Variants in CAST observed in about 807,000 individuals in gnomAD.
The protein encoded by CAST is MIR583 host.
A neutral mutation model predicts 119.6 loss-of-function variants in CAST; 76 were observed. That is an observed-to-expected ratio of 0.64 (90% CI 0.53 to 0.77). The LOEUF (loss-of-function observed/expected upper bound fraction) is 0.77. Ranked by LOEUF, CAST falls within the 30% of genes least tolerant of loss-of-function variation. The pLI is 0.00. For synonymous variants in CAST, 319 were observed against 331.6 expected (o/e 0.96, Z 0.41); for missense variants, 953 against 946.5 (o/e 1.01, Z -0.09).
At chr5:96,332,413 G>T in the CAST span, among the ~76,000 whole-genome samples, 1 of 149,978 alleles carries the variant, frequency 6.7e-6, no homozygotes, top group Non-Finnish European at 1.5e-5. Flanking sequence ...AATTGATTTC[G>T]GCTTTTTTTT....
chr5:96,573,962 T>C (rs1746618523), intron 1 of CAST, among the ~76,000 whole-genome samples: 1 of 152,094 alleles, frequency 6.6e-6, no homozygotes, highest in South Asian at 2.1e-4. Flanking sequence ...TTTTTATTGC[T>C]ACGTAGTATT....
At chr5:95,988,095 T>TA in the CAST span, among the ~76,000 whole-genome samples, 1,262 of 152,350 alleles carry the variant, frequency 8.3e-3, 14 homozygotes, top group African/African-American at 0.029. Flanking sequence ...TAGCAAGACT[T>TA]ACGGCTTGGG....
intron 1 of CAST, among the ~76,000 whole-genome samples, chr5:96,534,961 GAA>G (rs1460518297): frequency 6.6e-6 from 1 of 151,678 alleles, no homozygotes; most frequent in Non-Finnish European, 1.5e-5. Flanking sequence ...AAGAAAGAAA[GAA>G]AAAGAAAACT....
the CAST span, among the ~76,000 whole-genome samples, chr5:96,133,302 A>AC: frequency 1.3e-5 from 2 of 151,928 alleles, no homozygotes; most frequent in African/African-American, 4.8e-5. Flanking sequence ...AGAAAAAAAA[A>AC]AAACACACAC....
chr5:96,498,406 T>C, the CAST span, among the ~76,000 whole-genome samples: 4 of 152,218 alleles, frequency 2.6e-5, no homozygotes, highest in East Asian at 1.9e-4. Context: ...AAGAAAGTCA[T>C]TGGTAGCTTG....
the CAST span, among the ~76,000 whole-genome samples, chr5:96,437,746 C>G: frequency 1.3e-5 from 2 of 152,210 alleles, no homozygotes; most frequent in South Asian, 4.2e-4. Context: ...GTGATTCATA[C>G]GCAATTAAAG....
At chr5:96,463,058 G>A in the CAST span, among the ~76,000 whole-genome samples, 1 of 152,048 alleles carries the variant, frequency 6.6e-6, no homozygotes, top group Non-Finnish European at 1.5e-5. Context: ...ACTGATACAC[G>A]TGATAACGTG....
At chr5:96,239,666 T>C in the CAST span, among the ~76,000 whole-genome samples, 147 of 152,214 alleles carry the variant, frequency 9.7e-4, no homozygotes, top group Middle Eastern at 6.8e-3. Flanking sequence ...ATTGTTTCTA[T>C]CTCATTTTCT....
the CAST span, among the ~76,000 whole-genome samples, chr5:96,373,747 C>T: frequency 1.4e-5 from 2 of 148,112 alleles, no homozygotes; most frequent in African/African-American, 4.9e-5. Flanking sequence ...TTTTTCTTCT[C>T]TTTTTTTTTT....
At chr5:96,034,006 T>A in the CAST span, among the ~76,000 whole-genome samples, 2 of 152,118 alleles carry the variant, frequency 1.3e-5, no homozygotes, top group Non-Finnish European at 2.9e-5. Context: ...TACAGTGGCA[T>A]GTGCCTGTAG....
At chr5:96,010,227 T>C in the CAST span, among the ~76,000 whole-genome samples, 1 of 152,186 alleles carries the variant, frequency 6.6e-6, no homozygotes, top group African/African-American at 2.4e-5. Context: ...TTGGGTAGTG[T>C]GATCTCTCTG....
the CAST span, among the ~76,000 whole-genome samples, chr5:96,341,501 T>A: frequency 9.2e-5 from 14 of 152,122 alleles, no homozygotes; most frequent in African/African-American, 3.1e-4. Flanking sequence ...GTCTCATTAG[T>A]GTAAGTGCCA....
At chr5:96,408,274 G>A in the CAST span, 5 of 1,614,114 alleles carry the variant, frequency 3.1e-6, no homozygotes, top group South Asian at 1.1e-5. Flanking sequence ...TGCAGAGGCC[G>A]AGGTGCCTGT....
chr5:96,452,540 T>C, the CAST span, among the ~76,000 whole-genome samples: 1 of 148,414 alleles, frequency 6.7e-6, no homozygotes, highest in Non-Finnish European at 1.5e-5. Context: ...ATACCTAATG[T>C]AGATGACGTG....
At chr5:96,001,861 C>A in the CAST span, among the ~76,000 whole-genome samples, 1 of 152,166 alleles carries the variant, frequency 6.6e-6, no homozygotes, top group South Asian at 2.1e-4. Context: ...TTATTCTTAA[C>A]CTAATAGTCT....
Position 96,610,670 on chromosome 5 carries a change from G to A in CAST, c.61-64869G>A, listed in dbSNP as rs114549108. 8.0e-3 allele frequency among the ~76,000 whole-genome samples: 1,220 copies of A among 152,208 alleles called. 31 individuals carry two copies. The highest frequency in any genetic ancestry group is 0.029 in the African/African-American group (1,187 of 41,534). On this transcript the variant is annotated intron_variant, in intron 1 of 11. Coordinates refer to the CAST transcript ENST00000505143. Reference sequence around the variant, plus strand: ...CACAGTACTAAAAGTCCTAGCCAGAGCAATCAGGCAAAAGAAAGAAAGAAA... The same window carrying A: ...CACAGTACTAAAAGTCCTAGCCAGAACAATCAGGCAAAAGAAAGAAAGAAA...
At chr5:96,519,349 C>T in the CAST span, among the ~76,000 whole-genome samples, 1 of 152,152 alleles carries the variant, frequency 6.6e-6, no homozygotes, top group Non-Finnish European at 1.5e-5. Context: ...TATGCTGCAG[C>T]TGGTGGTTCA....
chr5:96,180,009 C>T, the CAST span, among the ~76,000 whole-genome samples: 14 of 150,746 alleles, frequency 9.3e-5, no homozygotes, highest in Non-Finnish European at 4.4e-5. Context: ...GGAGACAGAG[C>T]GAGACTCCAT....
chr5:96,400,067 A>T, the CAST span: 1 of 1,614,142 alleles, frequency 6.2e-7, no homozygotes, highest in Non-Finnish European at 8.5e-7. Context: ...GCCAAATCCA[A>T]ATCGACTATT....
Sources: allele counts gnomAD v4.1 joint callset (sites outside exome capture counted in the v4.1 genomes callset), GRCh38; gene constraint gnomAD v4.1.1; transcripts MANE v1.5; gene names NCBI Gene and HGNC (gene_info 2026-07-23, HGNC 2026-07-21).